The following PPP1R9A variants were observed in gnomAD, a reference collection of about 807,000 sequenced individuals.
PPP1R9A encodes neurabin-1.
Under a neutral mutation model 141.9 loss-of-function variants are expected in PPP1R9A, and 59 were observed. The observed-to-expected ratio is 0.42, with a 90% confidence interval of 0.34 to 0.52. The LOEUF (loss-of-function observed/expected upper bound fraction) is 0.52, where lower values mean the gene tolerates loss of function less well. Among genes scored for constraint, PPP1R9A ranks in the 20% least tolerant of loss-of-function variants. PPP1R9A has a pLI of 0.10. For missense variants in PPP1R9A, 1,444 were observed against 1,611.9 expected (o/e 0.90, Z 1.78); for synonymous variants, 500 against 569.7 (o/e 0.88, Z 1.74).
chr7:94,944,478 T>C (rs956709513), intron 2 of PPP1R9A, among the ~76,000 whole-genome samples: 2 of 102,928 alleles, frequency 1.9e-5, no homozygotes, highest in Non-Finnish European at 3.6e-5. Context: ...AAAAAGGTCA[T>C]TACTATCTAT....
intron 12 of PPP1R9A, among the ~76,000 whole-genome samples, chr7:95,267,901 G>A (rs1563529162): frequency 6.6e-6 from 1 of 152,036 alleles, no homozygotes. Flanking sequence ...TTAACTGTTT[G>A]TTTCTTCATT....
chr7:95,104,189 G>A (rs748697227), intron 2 of PPP1R9A, among the ~76,000 whole-genome samples: 2 of 152,200 alleles, frequency 1.3e-5, no homozygotes, highest in Non-Finnish European at 2.9e-5. Flanking sequence ...GGCGAGGCTT[G>A]CAGATTAACA....
intron 2 of PPP1R9A, among the ~76,000 whole-genome samples, chr7:94,999,436 A>G (rs1802585444): frequency 6.6e-6 from 1 of 152,230 alleles, no homozygotes; most frequent in Non-Finnish European, 1.5e-5. Flanking sequence ...TCATCTCTTC[A>G]GTCTACTGGT....
chr7:95,133,761 ATCTT>A (rs749895023), intron 4 of PPP1R9A, among the ~76,000 whole-genome samples: 20 of 151,908 alleles, frequency 1.3e-4, no homozygotes, highest in Non-Finnish European at 1.9e-4. Flanking sequence ...CAGTGGCATG[ATCTT>A]GGCTCACTGC....
rs897635043 is a variant in PPP1R9A at position 95,203,660 on chromosome 7, T to G, written c.1891-5T>G. On this transcript the variant is annotated splice_polypyrimidine_tract_variant and splice_region_variant and intron_variant, in intron 6 of 19. Transcript: ENST00000433360. ...TTCTTTAATATTTTTTGTCAACCAT[T>G]TTAGAACACTGTGGCTGAATTGCAA... 1.3e-6 allele frequency: 2 copies of G among 1,535,632 alleles called. No individual in the cohort carries two copies. Among genetic ancestry groups the G allele is most frequent in the African/African-American group, 2.7e-5 (2 of 72,992 alleles).
intron 19 of PPP1R9A, among the ~76,000 whole-genome samples, chr7:95,289,325 C>G (rs1805958516): frequency 3.3e-5 from 5 of 152,236 alleles, no homozygotes; most frequent in Admixed American, 3.3e-4. Flanking sequence ...CCACCCCCGC[C>G]TCAGCCCCCT....
Position 95,292,644 on chromosome 7 carries a change from T to C in PPP1R9A, c.*2341T>C, listed in dbSNP as rs1025382497. ...GACAATGTTATAAATCAAATTCTTATTCCTAAAATCATTTAGTATTATAAG... is the reference window on the plus strand; with the variant it reads ...GACAATGTTATAAATCAAATTCTTACTCCTAAAATCATTTAGTATTATAAG... On this transcript the variant is annotated 3_prime_UTR_variant, in exon 20 of 20. Transcript: ENST00000433360. The C allele has an allele frequency of 2.0e-5, 3 of 152,238 alleles. No individual in the cohort carries two copies. The highest frequency in any genetic ancestry group is 2.0e-4 in the Admixed American group (3 of 15,284). 9.4% of individuals were successfully genotyped at this position (152,238 alleles called of 1,614,324 possible).
intron 2 of PPP1R9A, among the ~76,000 whole-genome samples, chr7:94,951,946 A>G (rs993475776): frequency 1.3e-5 from 2 of 151,236 alleles, no homozygotes; most frequent in African/African-American, 2.4e-5. Flanking sequence ...TGGTAAGGTT[A>G]TATTTTCTTT....
intron 4 of PPP1R9A, among the ~76,000 whole-genome samples, chr7:95,144,569 G>T (rs1210178668): frequency 4.6e-5 from 7 of 151,974 alleles, no homozygotes; most frequent in Non-Finnish European, 8.8e-5. Flanking sequence ...CCTCTATGTT[G>T]TTTTCTATTA....
chr7:95,286,394 GA>G, intron 18 of PPP1R9A, 69 bp downstream of exon 18: 1 of 1,583,820 alleles, frequency 6.3e-7, no homozygotes. Context: ...CCATCACCAG[GA>G]AAATGTTTTT....
chr7:95,219,367 G>A (rs1211969747), intron 7 of PPP1R9A, among the ~76,000 whole-genome samples: 1 of 152,068 alleles, frequency 6.6e-6, no homozygotes, highest in African/African-American at 2.4e-5. Flanking sequence ...GCCCTTTGTG[G>A]GTAACCCGAT....
intron 2 of PPP1R9A, among the ~76,000 whole-genome samples, chr7:95,103,589 A>G (rs1819109898): frequency 6.6e-6 from 1 of 152,052 alleles, no homozygotes; most frequent in Admixed American, 6.5e-5. Context: ...AGGTTGGTCT[A>G]GATCTCCTGA....
chr7:95,031,999 T>C (rs1807756147), intron 2 of PPP1R9A, among the ~76,000 whole-genome samples: 1 of 152,322 alleles, frequency 6.6e-6, no homozygotes, highest in Non-Finnish European at 1.5e-5. Flanking sequence ...TCAGAAGTGA[T>C]GGTCTATTTT....
At chr7:95,163,084 G>A (rs1830673381) in intron 5 of PPP1R9A, among the ~76,000 whole-genome samples, 1 of 152,178 alleles carries the variant, frequency 6.6e-6, no homozygotes, top group South Asian at 2.1e-4. Context: ...ACTTTCCCAT[G>A]TCTGTATAGA....
intron 2 of PPP1R9A, among the ~76,000 whole-genome samples, chr7:95,058,905 T>G (rs1811846516): frequency 6.6e-6 from 1 of 152,154 alleles, no homozygotes; most frequent in Admixed American, 6.5e-5. Context: ...TTCTTCTGCC[T>G]CAGCCTCCCA....
rs1563502191 is a variant in PPP1R9A, at chr7:95,251,745, A to G, written c.2397-17A>G. ...TTGAGTGTATGATATAATCAGAACT[A>G]TTATTTTCTTCTTAAGAGAGCTTGA... On this transcript the variant is annotated splice_polypyrimidine_tract_variant and intron_variant, in intron 10 of 19. Coordinates refer to ENST00000433360, the MANE Select transcript of PPP1R9A (RefSeq NM_001166160.2). 1.3e-6 allele frequency: 2 copies of G among 1,599,060 alleles called. No homozygotes were observed. The highest frequency in any genetic ancestry group is 1.7e-6 in the Non-Finnish European group (2 of 1,168,162).
intron 4 of PPP1R9A, among the ~76,000 whole-genome samples, chr7:95,133,779 C>T (rs1431454545): frequency 3.3e-5 from 5 of 151,990 alleles, no homozygotes; most frequent in Admixed American, 3.3e-4. Context: ...TCACTGCAAC[C>T]TCCACCTCCC....
At chr7:95,032,406 G>A (rs572961852) in intron 2 of PPP1R9A, among the ~76,000 whole-genome samples, 76 of 151,932 alleles carry the variant, frequency 5.0e-4, no homozygotes, top group Non-Finnish European at 5.4e-4. Flanking sequence ...AGAGGAGCAA[G>A]CTCACTATTC....
intron 2 of PPP1R9A, among the ~76,000 whole-genome samples, chr7:95,054,306 G>A (rs1402617880): frequency 6.7e-6 from 1 of 149,628 alleles, no homozygotes; most frequent in African/African-American, 2.5e-5. Flanking sequence ...TGTATTTTTA[G>A]TAGAGACGGG....
Sources: gnomAD v4.1 joint callset for allele counts (sites outside exome capture counted in the v4.1 genomes callset) on GRCh38, gnomAD v4.1.1 for gene constraint, MANE v1.5 for transcripts, NCBI Gene and HGNC (gene_info 2026-07-23, HGNC 2026-07-21) for gene names.